Variants in DIP2C observed in about 807,000 individuals in gnomAD.
The protein encoded by DIP2C is disco-interacting protein 2 homolog C.
In DIP2C, 33 loss-of-function variants were observed where a neutral mutation model predicts 192.4. The ratio of observed to expected loss-of-function variants is 0.17; its 90% CI spans 0.13 to 0.23. The LOEUF (loss-of-function observed/expected upper bound fraction) is 0.23. Ranked by LOEUF, DIP2C falls within the 10% of genes least tolerant of loss-of-function variation. DIP2C has a pLI of 1.00. For missense variants in DIP2C, 1,537 were observed against 2,110.1 expected, an observed-to-expected ratio of 0.73 and a Z score of 5.32; for synonymous variants, 979 against 864.1, an observed-to-expected ratio of 1.13 and a Z score of -2.33.
At chr10:615,118 G>C (rs967512157) in intron 1 of DIP2C, among the ~76,000 whole-genome samples, 1 of 152,202 alleles carries the variant, frequency 6.6e-6, no homozygotes, top group Non-Finnish European at 1.5e-5. Flanking sequence ...AGCAATTCCC[G>C]TGATTCCCAC....
intron 32 of DIP2C, among the ~76,000 whole-genome samples, chr10:288,988 C>T (rs1027413235): frequency 7.2e-5 from 11 of 152,356 alleles, no homozygotes; most frequent in South Asian, 2.1e-4. Context: ...GACATCGCAG[C>T]AGGCCACAAC....
chr10:399,523 C>G (rs1964247683), intron 9 of DIP2C, among the ~76,000 whole-genome samples: 1 of 152,204 alleles, frequency 6.6e-6, no homozygotes, highest in Admixed American at 6.5e-5. Context: ...CTGTTTCTCA[C>G]TAAGCTTTGT....
At chr10:582,715 C>T (rs1006433466) in intron 1 of DIP2C, among the ~76,000 whole-genome samples, 10 of 152,212 alleles carry the variant, frequency 6.6e-5, no homozygotes, top group African/African-American at 1.9e-4. Context: ...CAAGTGTTCA[C>T]GCCCTTGTGA....
intron 13 of DIP2C, 48 bp downstream of exon 13, chr10:389,943 G>GTCCCGGTTA (rs1963321345): frequency 6.7e-7 from 1 of 1,485,358 alleles, no homozygotes; most frequent in Admixed American, 1.8e-5. Context: ...CGTGTCAGGT[G>GTCCCGGTTA]TCCCGGTTAG....
chr10:551,502 G>T (rs1309082506), intron 1 of DIP2C, among the ~76,000 whole-genome samples: 1 of 126,230 alleles, frequency 7.9e-6, no homozygotes, highest in African/African-American at 5.2e-5. Context: ...GATCCCAAAA[G>T]CCCTTCCTGG....
intron 1 of DIP2C, among the ~76,000 whole-genome samples, chr10:682,021 T>G (rs922803756): frequency 6.6e-6 from 1 of 152,128 alleles, no homozygotes; most frequent in Non-Finnish European, 1.5e-5. Flanking sequence ...CTGCATGGAG[T>G]GTGTATTCCA....
At chr10:424,414 G>A (rs1966439458) in intron 4 of DIP2C, among the ~76,000 whole-genome samples, 1 of 141,300 alleles carries the variant, frequency 7.1e-6, no homozygotes, top group Non-Finnish European at 1.5e-5. Context: ...TGCCCAGGCT[G>A]GAGAGCAGTG....
chr10:415,689 T>C (rs1745450692), intron 7 of DIP2C, 80 bp downstream of exon 7: 4 of 1,563,210 alleles, frequency 2.6e-6, no homozygotes, highest in Admixed American at 3.6e-5. Flanking sequence ...AAAAGTAAAA[T>C]AGCCTTGCAG....
chr10:338,320 C>T (rs984366046), intron 29 of DIP2C, among the ~76,000 whole-genome samples: 3 of 152,152 alleles, frequency 2.0e-5, no homozygotes, highest in Non-Finnish European at 4.4e-5. Flanking sequence ...AGTGTGCAGT[C>T]GTGTCCTGGC....
At chr10:580,045 C>T (rs560944248) in intron 1 of DIP2C, among the ~76,000 whole-genome samples, 1 of 150,974 alleles carries the variant, frequency 6.6e-6, no homozygotes, top group Admixed American at 6.8e-5. Flanking sequence ...ATCCAGTGTA[C>T]ACAGGTATAC....
chr10:348,197 A>G (rs1958614018), intron 26 of DIP2C, among the ~76,000 whole-genome samples: 1 of 152,238 alleles, frequency 6.6e-6, no homozygotes, highest in South Asian at 2.1e-4. Flanking sequence ...CAACGAGGAA[A>G]ATATAGCTGA....
chr10:378,256 T>C (rs1961872317), intron 17 of DIP2C, among the ~76,000 whole-genome samples: 1 of 152,230 alleles, frequency 6.6e-6, no homozygotes, highest in Admixed American at 6.5e-5. Context: ...AAAATACAGT[T>C]CACGTAGCAA....
chr10:510,726 CGT>C (rs1031693639), intron 1 of DIP2C, among the ~76,000 whole-genome samples: 1 of 152,230 alleles, frequency 6.6e-6, no homozygotes, highest in Non-Finnish European at 1.5e-5. Context: ...CTCACTGTGA[CGT>C]TAACAGCAGC....
At chr10:392,482 A>C (rs1287540981) in intron 10 of DIP2C, among the ~76,000 whole-genome samples, 2 of 152,246 alleles carry the variant, frequency 1.3e-5, no homozygotes, top group Non-Finnish European at 1.5e-5. Context: ...TGAAAACCAC[A>C]GGAGCAGCAG....
Position 394,726 on chromosome 10 carries a change from C to T in DIP2C, c.1261-3863G>A, listed in dbSNP as rs553765298. Among the ~76,000 whole-genome samples, 8 of 145,420 alleles carry T rather than the reference C, an allele frequency of 5.5e-5. No individual in the cohort carries two copies. The East Asian group carries it at 8.4e-4, about 15-fold the overall frequency. On this transcript the variant is annotated intron_variant, in intron 10 of 36. Transcript: ENST00000280886. The stretch of plus-strand genomic sequence containing the variant: ...GAAGGACGCTAGGCCACACAGTGGG[C>T]GCTATTCAGCCTTCAGGGAGGAGGG...
Position 419,196 on chromosome 10 carries a change from T to C in DIP2C, c.608A>G (p.Asn203Ser). The change falls in exon 6 of 37, where the codon AAT (asparagine) becomes AGT (serine). Residue 203 changes from asparagine to serine, a missense_variant. Asn to Ser is a conservative substitution (Grantham distance 46). Around this residue, in one of 4 missense-constraint regions of DIP2C, gnomAD observed 473 missense variants for 539.6 expected, o/e 0.88. Transcript: ENST00000280886. ...ADVMAQTHIE[N>S]HSAPPDVTTY... ...GGTTACGTCAGGAGGTGCAGAATGA[T>C]TTTCTGTAAAGAAACACATCATGAG... is the stretch of plus-strand genomic sequence containing the variant. The C allele has an allele frequency of 1.2e-6, 2 of 1,614,206 alleles. No homozygotes were observed. Among genetic ancestry groups the C allele is most frequent in the African/African-American group, 1.3e-5 (1 of 75,052 alleles).
chr10:390,788 G>A lies in DIP2C; in HGVS notation c.1336C>T (p.His446Tyr). 6.2e-7 allele frequency: 1 copy of A among 1,614,142 alleles called. No individual in the cohort carries two copies. The highest frequency in any genetic ancestry group is 8.5e-7 in the Non-Finnish European group (1 of 1,180,028). ...GTTGGGCTTTTTGGAAGTCCTTTAT[G>A]GCAGGCGTCACTAGTCAAGGCTACA... ...VTVALTSDAC[H>Y]KGLPKSPTGE... Residue 446 changes from histidine to tyrosine, a missense_variant, in exon 11 of 37, where the codon CAT becomes TAT. Physicochemically the swap from His to Tyr is moderately conservative, Grantham distance 83. Coordinates refer to ENST00000280886, the MANE Select transcript of DIP2C (RefSeq NM_014974.3).
chr10:309,323 G>A (rs1028503593), intron 32 of DIP2C, among the ~76,000 whole-genome samples: 2 of 151,878 alleles, frequency 1.3e-5, no homozygotes, highest in African/African-American at 4.8e-5. Flanking sequence ...CGCTTAGGAG[G>A]CCACATAGAG....
chr10:464,806 C>G (rs938981134), intron 3 of DIP2C, among the ~76,000 whole-genome samples: 6 of 152,000 alleles, frequency 3.9e-5, no homozygotes, highest in Non-Finnish European at 5.9e-5. Flanking sequence ...ATACATTCCT[C>G]GACACATACT....
Sources: gnomAD v4.1 joint callset for allele counts (sites outside exome capture counted in the v4.1 genomes callset) on GRCh38, gnomAD v4.1.1 for gene constraint, gnomAD v4.1.1 regional missense constraint, MANE v1.5 for transcripts, NCBI Gene and HGNC (gene_info 2026-07-23, HGNC 2026-07-21) for gene names.